The following KHDRBS2 variants were observed in gnomAD, a reference collection of about 807,000 sequenced individuals.
KHDRBS2 encodes KH RNA binding domain containing, signal transduction associated 2, also known as KH domain-containing, RNA-binding, signal transduction-associated protein 2.
In KHDRBS2, 26 loss-of-function variants were observed where a neutral mutation model predicts 44.3. The ratio of observed to expected loss-of-function variants is 0.59; its 90% CI spans 0.43 to 0.81. The LOEUF is 0.81. Among genes scored for constraint, KHDRBS2 ranks in the 40% least tolerant of loss-of-function variants. The probability of loss-of-function intolerance (pLI) is 0.00; values close to 1 mark genes in which losing one functional copy is unlikely to be tolerated. For missense variants in KHDRBS2, 476 were observed against 433.1 expected, an observed-to-expected ratio of 1.10 and a Z score of -0.88; for synonymous variants, 194 against 151.1, an observed-to-expected ratio of 1.28 and a Z score of -2.08.
chr6:61,910,158 G>A (rs1465962095), intron 4 of KHDRBS2, among the ~76,000 whole-genome samples: 1 of 152,208 alleles, frequency 6.6e-6, no homozygotes, highest in Non-Finnish European at 1.5e-5. Context: ...TTGCAACTAA[G>A]TTGGAATGGG....
At chr6:62,242,712 A>G (rs1834890865) in intron 1 of KHDRBS2, among the ~76,000 whole-genome samples, 1 of 152,170 alleles carries the variant, frequency 6.6e-6, no homozygotes, top group African/African-American at 2.4e-5. Flanking sequence ...CTGAGGAAAA[A>G]AGAAAAATAT....
chr6:61,733,672 A>G (rs1774855757), intron 6 of KHDRBS2, among the ~76,000 whole-genome samples: 1 of 152,112 alleles, frequency 6.6e-6, no homozygotes, highest in Non-Finnish European at 1.5e-5. Context: ...ATTATGTGTG[A>G]TGAGACTTAT....
chr6:62,069,347 A>T (rs767524494), intron 2 of KHDRBS2, among the ~76,000 whole-genome samples: 2 of 151,820 alleles, frequency 1.3e-5, no homozygotes, highest in Admixed American at 1.3e-4. Context: ...TACTATGTTT[A>T]TCCAACCGTA....
intron 6 of KHDRBS2, among the ~76,000 whole-genome samples, chr6:61,851,104 G>C (rs929940489): frequency 1.3e-5 from 2 of 151,702 alleles, no homozygotes; most frequent in African/African-American, 4.8e-5. Context: ...TATAGACTCT[G>C]CCCTCTACAA....
intron 8 of KHDRBS2, among the ~76,000 whole-genome samples, chr6:61,689,465 G>T (rs1260139170): frequency 2.0e-5 from 3 of 151,830 alleles, no homozygotes; most frequent in African/African-American, 4.8e-5. Flanking sequence ...GAAATTTTGT[G>T]GAAAACTGTG....
rs541166631 is a variant in KHDRBS2, at chr6:62,061,193, T to G, written c.220-13199A>C. On this transcript the variant is annotated intron_variant, in intron 2 of 8. Transcript: ENST00000281156. ...TTTACATTTAGAGTTAATATTGTTA[T>G]GTGTGAATTTGATCCTGTCATTATG... 8.6e-3 allele frequency among the ~76,000 whole-genome samples: 1,303 copies of G among 151,916 alleles called. 16 individuals carry two copies. The highest frequency in any genetic ancestry group is 0.029 in the African/African-American group (1,214 of 41,478).
intron 4 of KHDRBS2, among the ~76,000 whole-genome samples, chr6:61,954,905 TGTGCATAC>T (rs746826387): frequency 1.4e-4 from 15 of 103,672 alleles, no homozygotes; most frequent in Non-Finnish European, 1.5e-4. Flanking sequence ...CATACATATG[TGTGCATAC>T]ATATATATGT....
Position 61,901,318 on chromosome 6 carries a change from A to G in KHDRBS2, c.537T>C (p.Asn179=), listed in dbSNP as rs1803976180. 6.2e-7 allele frequency: 1 copy of G among 1,613,482 alleles called. No individual in the cohort carries two copies. The highest frequency in any genetic ancestry group is 8.5e-7 in the Non-Finnish European group (1 of 1,179,496). Residue 179 remains asparagine (N), a synonymous_variant, in exon 5 of 9, where the codon AAT becomes AAC. Transcript: ENST00000281156. ...TGCCACGACCAGAGTCCTCTGAGCC[A>G]TTTAAGTAAGATAATTCACGTAGTT... ...QEQLRELSYL[N]GSEDSGRGRG... is the part of the protein sequence containing the mutation.
the KHDRBS2 span, among the ~76,000 whole-genome samples, chr6:61,587,120 G>T: frequency 6.6e-6 from 1 of 152,172 alleles, no homozygotes; most frequent in Non-Finnish European, 1.5e-5. Flanking sequence ...ACTCTGTGCT[G>T]CTTATCACTC....
intron 1 of KHDRBS2, among the ~76,000 whole-genome samples, chr6:62,229,660 G>A (rs1008852962): frequency 1.3e-5 from 2 of 152,152 alleles, no homozygotes; most frequent in East Asian, 1.9e-4. Flanking sequence ...CTTCCAATTC[G>A]TGGGTTTCAC....
At chr6:62,055,876 T>C (rs532531884) in intron 2 of KHDRBS2, among the ~76,000 whole-genome samples, 1 of 152,132 alleles carries the variant, frequency 6.6e-6, no homozygotes, top group Admixed American at 6.6e-5. Context: ...TCTATGTGAG[T>C]GCTCACTCCG....
chr6:61,831,960 T>A (rs560496303), intron 6 of KHDRBS2, among the ~76,000 whole-genome samples: 4 of 152,270 alleles, frequency 2.6e-5, no homozygotes, highest in African/African-American at 9.6e-5. Context: ...AAAGTATTTT[T>A]CCTGGTGTGG....
At chr6:61,947,452 G>A (rs1813598149) in intron 4 of KHDRBS2, among the ~76,000 whole-genome samples, 1 of 152,124 alleles carries the variant, frequency 6.6e-6, no homozygotes, top group South Asian at 2.1e-4. Context: ...GTAGGATTAA[G>A]TTCTGTAGTA....
At chr6:61,914,420 A>T (rs1806610210) in intron 4 of KHDRBS2, among the ~76,000 whole-genome samples, 2 of 151,594 alleles carry the variant, frequency 1.3e-5, no homozygotes, top group African/African-American at 4.9e-5. Flanking sequence ...CAAAAAACCA[A>T]ACACTGCATG....
chr6:62,068,316 C>T (rs1021466839), intron 2 of KHDRBS2, among the ~76,000 whole-genome samples: 1 of 151,330 alleles, frequency 6.6e-6, no homozygotes, highest in African/African-American at 2.4e-5. Flanking sequence ...CTTTTATATA[C>T]CTTCCTTGGA....
intron 6 of KHDRBS2, among the ~76,000 whole-genome samples, chr6:61,803,580 C>T (rs1301074356): frequency 6.6e-6 from 1 of 152,108 alleles, no homozygotes. Context: ...TTGGTCCATT[C>T]TCACGCCCTG....
chr6:61,754,230 T>C (rs1778153400), intron 6 of KHDRBS2, among the ~76,000 whole-genome samples: 1 of 152,148 alleles, frequency 6.6e-6, no homozygotes, highest in Non-Finnish European at 1.5e-5. Flanking sequence ...TTAAAAGCTG[T>C]CTATGTTAAA....
chr6:61,874,428 T>A (rs1259532281), intron 6 of KHDRBS2, among the ~76,000 whole-genome samples: 1 of 152,160 alleles, frequency 6.6e-6, no homozygotes, highest in Non-Finnish European at 1.5e-5. Flanking sequence ...GAATTAATGT[T>A]GTTTAGCCCC....
chr6:61,547,865 C>T, the KHDRBS2 span, among the ~76,000 whole-genome samples: 1 of 152,248 alleles, frequency 6.6e-6, no homozygotes, highest in East Asian at 1.9e-4. Context: ...CTCTGTCAAG[C>T]TCTTGAACCA....
Sources: allele counts gnomAD v4.1 joint callset (sites outside exome capture counted in the v4.1 genomes callset), GRCh38; gene constraint gnomAD v4.1.1; transcripts MANE v1.5; gene names NCBI Gene and HGNC (gene_info 2026-07-23, HGNC 2026-07-21).